Variants in SLC35D4 observed in about 807,000 individuals in gnomAD.
SLC35D4 encodes the protein UDP-N-acetylglucosamine transporter SLC35D4.
chr18:23,285,917 G>C, the SLC35D4 span, among the ~76,000 whole-genome samples: 1 of 151,520 alleles, frequency 6.6e-6, no homozygotes, highest in African/African-American at 2.4e-5. Context: ...TCCCAAATCA[G>C]ACGGCGTTTA....
At chr18:23,252,978 G>A in the SLC35D4 span, 5 of 1,612,146 alleles carry the variant, frequency 3.1e-6, no homozygotes, top group Middle Eastern at 1.7e-4. Flanking sequence ...GATTGACTAC[G>A]TGAAGCCCTC....
chr18:23,405,944 A>G, the SLC35D4 span, among the ~76,000 whole-genome samples: 1 of 152,204 alleles, frequency 6.6e-6, no homozygotes, highest in African/African-American at 2.4e-5. Flanking sequence ...GGTAGCATAG[A>G]GACAAGGTAA....
chr18:23,373,134 A>ACTTG, the SLC35D4 span, among the ~76,000 whole-genome samples: 1 of 152,054 alleles, frequency 6.6e-6, no homozygotes, highest in Non-Finnish European at 1.5e-5. Context: ...GCCAAGATGG[A>ACTTG]GAAACCTCAT....
the SLC35D4 span, among the ~76,000 whole-genome samples, chr18:23,393,846 T>C: frequency 3.3e-5 from 5 of 152,152 alleles, no homozygotes; most frequent in East Asian, 7.7e-4. Context: ...CTCGAACTCC[T>C]GACCTCAGGT....
At chr18:23,254,092 G>C in the SLC35D4 span, among the ~76,000 whole-genome samples, 1 of 152,224 alleles carries the variant, frequency 6.6e-6, no homozygotes, top group African/African-American at 2.4e-5. Flanking sequence ...AGTGGGAATA[G>C]TCAGGCTATC....
the SLC35D4 span, among the ~76,000 whole-genome samples, chr18:23,363,526 C>T: frequency 6.6e-6 from 1 of 151,638 alleles, no homozygotes; most frequent in African/African-American, 2.4e-5. Context: ...AGGCGCCCGC[C>T]ACCACGCCCG....
At chr18:23,332,975 G>A in the SLC35D4 span, among the ~76,000 whole-genome samples, 12 of 152,032 alleles carry the variant, frequency 7.9e-5, no homozygotes, top group South Asian at 2.3e-3. Context: ...ACTCTCTATA[G>A]TCTCATCTCC....
chr18:23,394,722 A>G, the SLC35D4 span, among the ~76,000 whole-genome samples: 1 of 152,134 alleles, frequency 6.6e-6, no homozygotes, highest in African/African-American at 2.4e-5. Flanking sequence ...CTGTAATCCC[A>G]GCACTTTGGG....
At chr18:23,375,546 G>A in the SLC35D4 span, among the ~76,000 whole-genome samples, 4 of 152,124 alleles carry the variant, frequency 2.6e-5, no homozygotes, top group African/African-American at 9.7e-5. Flanking sequence ...TTTTCTGTAG[G>A]TTTAAACTTT....
the SLC35D4 span, among the ~76,000 whole-genome samples, chr18:23,419,819 T>C: frequency 5.3e-5 from 8 of 152,138 alleles, no homozygotes; most frequent in Admixed American, 5.2e-4. Context: ...GAAAATGTCC[T>C]TGCTCTTAGG....
chr18:23,339,329 C>A, the SLC35D4 span, among the ~76,000 whole-genome samples: 5 of 152,216 alleles, frequency 3.3e-5, no homozygotes, highest in African/African-American at 9.7e-5. Context: ...CAGATTGCTG[C>A]ATATTTCCTA....
At chr18:23,343,964 T>C in the SLC35D4 span, among the ~76,000 whole-genome samples, 1 of 151,676 alleles carries the variant, frequency 6.6e-6, no homozygotes, top group Non-Finnish European at 1.5e-5. Flanking sequence ...AATGGCGCTA[T>C]CTCAGCTCAC....
chr18:23,414,587 C>T, the SLC35D4 span, among the ~76,000 whole-genome samples: 4 of 151,536 alleles, frequency 2.6e-5, no homozygotes, highest in South Asian at 4.2e-4. Flanking sequence ...GCAAGAGAGT[C>T]GCTTGAACCC....
chr18:23,304,276 C>CAAA, the SLC35D4 span, among the ~76,000 whole-genome samples: 1 of 77,382 alleles, frequency 1.3e-5, no homozygotes. Flanking sequence ...GACTCCGTAT[C>CAAA]AAAAAAAAAA....
chr18:23,338,933 A>C, the SLC35D4 span, among the ~76,000 whole-genome samples: 1 of 152,180 alleles, frequency 6.6e-6, no homozygotes, highest in African/African-American at 2.4e-5. Context: ...CTCAGGCTGG[A>C]GTACAGTAGT....
the SLC35D4 span, among the ~76,000 whole-genome samples, chr18:23,369,099 G>C: frequency 6.6e-6 from 1 of 152,226 alleles, no homozygotes; most frequent in African/African-American, 2.4e-5. Context: ...ATGTTTTAGT[G>C]TAAGTACTGT....
At chr18:23,406,337 C>T in the SLC35D4 span, among the ~76,000 whole-genome samples, 1 of 152,072 alleles carries the variant, frequency 6.6e-6, no homozygotes, top group African/African-American at 2.4e-5. Flanking sequence ...TCATGGGCGG[C>T]AGGGGGTGGG....
the SLC35D4 span, among the ~76,000 whole-genome samples, chr18:23,348,020 A>C: frequency 6.6e-6 from 1 of 152,154 alleles, no homozygotes; most frequent in Non-Finnish European, 1.5e-5. Context: ...TGCATCTATA[A>C]ATTTTGATAT....
At chr18:23,363,706 T>C in the SLC35D4 span, among the ~76,000 whole-genome samples, 1 of 152,084 alleles carries the variant, frequency 6.6e-6, no homozygotes, top group African/African-American at 2.4e-5. Context: ...GCAGGACACT[T>C]AGTAGGCTCT....
Sources: gnomAD v4.1 joint callset for allele counts (sites outside exome capture counted in the v4.1 genomes callset) on GRCh38, gnomAD v4.1.1 for gene constraint, MANE v1.5 for transcripts, NCBI Gene and HGNC (gene_info 2026-07-23, HGNC 2026-07-21) for gene names.